ZNF343: variants seen among roughly 807,000 people sequenced by gnomAD.
The protein encoded by ZNF343 is zinc finger protein 343.
ZNF343 carries 11 observed loss-of-function variants against 13.8 expected under a neutral mutation model. The ratio of observed to expected loss-of-function variants is 0.80; its 90% confidence interval spans 0.50 to 1.32. The LOEUF (loss-of-function observed/expected upper bound fraction) is 1.32, where lower values mean the gene tolerates loss of function less well. ZNF343 is among the 40% of genes most tolerant of loss of function. ZNF343 has a pLI of 0.00. For missense variants in ZNF343, 658 were observed against 714.2 expected, an observed-to-expected ratio of 0.92 and a Z score of 0.90; for synonymous variants, 248 against 260.0, an observed-to-expected ratio of 0.95 and a Z score of 0.44.
intron 1 of ZNF343, among the ~76,000 whole-genome samples, chr20:2,514,705 G>A (rs947514616): frequency 6.6e-6 from 1 of 152,148 alleles, no homozygotes; most frequent in Non-Finnish European, 1.5e-5. Flanking sequence ...AAGCAGGCCA[G>A]GCATGGTGGC....
rs138860462 is a variant in ZNF343, at chr20:2,508,869, G to T, written c.-237+12C>A. 1,130 of 152,386 alleles carry T rather than the reference G, an allele frequency of 7.4e-3. 6 individuals are homozygous for T. Among genetic ancestry groups the T allele is most frequent in the Middle Eastern group, 0.014 (4 of 294 alleles). The allele number at this position is 152,386 out of a possible 1,614,324, so 9.4% of individuals were successfully genotyped here. ...CATCCTGGGGCCAAGGAGCCGCGGA[G>T]GCCGCGCTCACCAGAGCCAGCGTGC... On this transcript the variant is annotated intron_variant, in intron 1 of 5. Transcript: ENST00000278772. This position sits in a 1 kb window ranked among gnomAD's most constrained non-coding sequence, Gnocchi z 4.5.
At chr20:2,497,325 T>C (rs1221494154) in intron 2 of ZNF343, among the ~76,000 whole-genome samples, 3 of 151,896 alleles carry the variant, frequency 2.0e-5, no homozygotes, top group Non-Finnish European at 4.4e-5. Context: ...AGGAGGAAGA[T>C]GGAGGAATTG....
chr20:2,485,626 TC>T (rs1198520681), intron 5 of ZNF343, among the ~76,000 whole-genome samples: 1 of 152,258 alleles, frequency 6.6e-6, no homozygotes, highest in African/African-American at 2.4e-5. Flanking sequence ...CTTTTATTTT[TC>T]CCCCTTGCCA....
intron 1 of ZNF343, among the ~76,000 whole-genome samples, chr20:2,505,620 C>G (rs1380352540): frequency 1.3e-5 from 2 of 152,092 alleles, no homozygotes; most frequent in African/African-American, 4.8e-5. Context: ...CAAAACAGAG[C>G]CCTCAGAAAT....
At chr20:2,515,898 T>C (rs1037011874) in intron 1 of ZNF343, among the ~76,000 whole-genome samples, 17 of 151,688 alleles carry the variant, frequency 1.1e-4, no homozygotes, top group African/African-American at 3.9e-4. Context: ...ATCAGGAGGA[T>C]TGGAGTAAGG....
At position 2,483,363 on chromosome 20, in the gene ZNF343, T is replaced by G; in HGVS notation, c.1598A>C (p.Lys533Thr). The G allele has an allele frequency of 6.2e-7, 1 of 1,612,356 alleles. No homozygotes were observed. The highest frequency in any genetic ancestry group is 8.5e-7 in the Non-Finnish European group (1 of 1,179,704). ...CCTCTCATGTACAATGAGGGTTGAC[T>G]TGTCACAAAAGCCTCGCCCACATTC... ...CRECGRGFCD[K>T]STLIVHERTH... Residue 533 changes from lysine to threonine, a missense_variant, in exon 6 of 6, where the codon AAG (lysine) becomes ACG (threonine). Transcript: ENST00000278772.
intron 1 of ZNF343, among the ~76,000 whole-genome samples, chr20:2,522,667 G>A (rs1482867417): frequency 6.6e-6 from 1 of 152,238 alleles, no homozygotes; most frequent in African/African-American, 2.4e-5. Context: ...CAAAGTGTGA[G>A]GTCAGGCATG....
In ZNF343 at chr20:2,508,449, T is replaced by C. The variant is rs1033804867; in HGVS notation, c.-237+432A>G. ...TCCCCAGCCAAAAACCACCCAGGGA[T>C]GTGCGGACCTAGCCACGTCCCCACC... On this transcript the variant is annotated intron_variant, in intron 1 of 5. Coordinates refer to ENST00000278772, the MANE Select transcript of ZNF343 (RefSeq NM_024325.6). The surrounding 1 kb of genome is among the most constrained non-coding windows in gnomAD (Gnocchi z 4.5). 6.6e-6 allele frequency among the ~76,000 whole-genome samples: 1 copy of C among 152,108 alleles called. No individual in the cohort carries two copies. Among genetic ancestry groups the C allele is most frequent in the Non-Finnish European group, 1.5e-5 (1 of 68,014 alleles).
In ZNF343 at chr20:2,501,142, C is replaced by T. The variant is rs567588882; in HGVS notation, c.-236-400G>A. On this transcript the variant is annotated intron_variant, in intron 1 of 5. Coordinates refer to ENST00000278772, the MANE Select transcript of ZNF343 (RefSeq NM_024325.6). ...GCGCTTTTCCAATGGTCTTAGCAAA[C>T]GGCACACCAAGAGATTATATCCCGC... 1.0e-3 allele frequency among the ~76,000 whole-genome samples: 156 copies of T among 152,318 alleles called. 3 individuals are homozygous for T. The South Asian group carries it at 0.031, about 30-fold the overall frequency.
Position 2,483,277 on chromosome 20 carries a change from A to G in ZNF343, c.1684T>C (p.Ser562Pro), listed in dbSNP as rs1280613373. ...SECGRGFSRK[S>P]LLLVHQRTHS... Reference sequence around the variant, plus strand: ...GTCCTCTGGTGGACAAGGAGGAGTGATTTCCGGCTAAAGCCTCGGCCACAC... The same window carrying G: ...GTCCTCTGGTGGACAAGGAGGAGTGGTTTCCGGCTAAAGCCTCGGCCACAC... Residue 562 changes from serine to proline, a missense_variant, in exon 6 of 6, where the codon TCA becomes CCA. Physicochemically the swap from Ser to Pro is moderately conservative, Grantham distance 74 (BLOSUM62 -1). Transcript: ENST00000278772. 1.2e-6 allele frequency: 2 copies of G among 1,610,802 alleles called. No homozygotes were observed. The highest frequency in any genetic ancestry group is 2.2e-5 in the South Asian group (2 of 90,784).
intron 1 of ZNF343, among the ~76,000 whole-genome samples, chr20:2,514,376 G>A (rs1008208904): frequency 6.6e-6 from 1 of 152,180 alleles, no homozygotes; most frequent in Non-Finnish European, 1.5e-5. Flanking sequence ...TTATGAAAAT[G>A]AGCTTGAATC....
intron 5 of ZNF343, among the ~76,000 whole-genome samples, chr20:2,486,185 A>G (rs2085278439): frequency 6.6e-6 from 1 of 152,092 alleles, no homozygotes; most frequent in Non-Finnish European, 1.5e-5. Context: ...GTAGGAGAAG[A>G]AATCTCATTT....
At chr20:2,488,078 G>T (rs1195328080) in intron 5 of ZNF343, among the ~76,000 whole-genome samples, 1 of 152,092 alleles carries the variant, frequency 6.6e-6, no homozygotes, top group African/African-American at 2.4e-5. Flanking sequence ...GTGATATACT[G>T]TATGTGGCAA....
chr20:2,484,264 A>G lies in ZNF343; in HGVS notation c.697T>C (p.Leu233=), dbSNP rs1451801019. The G allele has an allele frequency of 1.9e-6, 3 of 1,614,016 alleles. No homozygotes were observed. The Admixed American group carries it at 5.0e-5, about 27-fold the overall frequency. The change falls in exon 6 of 6, where the codon TTA becomes CTA. Residue 233 remains leucine, a synonymous_variant. Coordinates refer to ENST00000278772, the MANE Select transcript of ZNF343 (RefSeq NM_024325.6). Reference sequence around the variant, plus strand: ...ATTGCTCCAAATCTCAAGGTTTCTAATTCCTTCAAGCCTTTGTCTAGCTGC... The same window carrying G: ...ATTGCTCCAAATCTCAAGGTTTCTAGTTCCTTCAAGCCTTTGTCTAGCTGC... ...PVQLDKGLKE[L]ETLRFGAINC...
At chr20:2,502,908 C>G (rs1335324317) in intron 1 of ZNF343, among the ~76,000 whole-genome samples, 1 of 152,108 alleles carries the variant, frequency 6.6e-6, no homozygotes, top group Non-Finnish European at 1.5e-5. Context: ...CATCAACTAA[C>G]GAGCAAAATA....
intron 5 of ZNF343, among the ~76,000 whole-genome samples, chr20:2,490,964 G>C (rs1310228485): frequency 6.6e-6 from 1 of 152,112 alleles, no homozygotes; most frequent in African/African-American, 2.4e-5. Flanking sequence ...GTTCAAACCA[G>C]AGCGAATCAG....
In ZNF343 at chr20:2,494,041, G is replaced by C. The variant is rs2122619516; in HGVS notation, c.-146C>G. 1.5e-6 allele frequency: 1 copy of C among 653,568 alleles called. No homozygotes were observed. Among genetic ancestry groups the C allele is most frequent in the East Asian group, 2.6e-5 (1 of 38,664 alleles). 40.5% of individuals were successfully genotyped at this position (653,568 alleles called of 1,614,324 possible). ...AGCCCAGCTTGTTTCCCTGCAGCCAGGACCTGTGGGATGAAGAAGCAATTT... is the reference window on the plus strand; with the variant it reads ...AGCCCAGCTTGTTTCCCTGCAGCCACGACCTGTGGGATGAAGAAGCAATTT... On this transcript the variant is annotated 5_prime_UTR_variant, in exon 3 of 6. Transcript: ENST00000278772.
At position 2,483,577 on chromosome 20, in the gene ZNF343, C is replaced by T; in HGVS notation, c.1384G>A (p.Glu462Lys). The change falls in exon 6 of 6, where the codon GAG becomes AAG. Residue 462 changes from glutamate (E) to lysine (K), a missense_variant. Glu to Lys is a moderately conservative substitution (Grantham distance 56). Transcript: ENST00000278772. ...CACTCACCACACACATAAGGCTTCT[C>T]TCCAGAGTGCGTCCGCTCGTGTATG... is the stretch of plus-strand genomic sequence containing the variant. ...LIIHERTHSG[E>K]KPYVCGECGR... 6.2e-7 allele frequency: 1 copy of T among 1,613,568 alleles called. No homozygotes were observed. The highest frequency in any genetic ancestry group is 8.5e-7 in the Non-Finnish European group (1 of 1,179,822).
chr20:2,500,482 C>T (rs1160859216), intron 2 of ZNF343, among the ~76,000 whole-genome samples, 174 bp downstream of exon 2: 1 of 152,162 alleles, frequency 6.6e-6, no homozygotes, highest in East Asian at 1.9e-4. Context: ...GGGTAATATT[C>T]CCTGTGGAGA....
Sources: gnomAD v4.1 joint callset for allele counts (sites outside exome capture counted in the v4.1 genomes callset) on GRCh38, gnomAD v4.1.1 for gene constraint, Gnocchi (gnomAD v3.1) non-coding constraint, MANE v1.5 for transcripts, NCBI Gene and HGNC (gene_info 2026-07-23, HGNC 2026-07-21) for gene names.